GALNTL6: variants seen among roughly 807,000 people sequenced by gnomAD.
GALNTL6 encodes the protein polypeptide N-acetylgalactosaminyltransferase like 6, also known as polypeptide N-acetylgalactosaminyltransferase-like 6.
A neutral mutation model predicts 73.7 loss-of-function variants in GALNTL6; 46 were observed. That is an observed-to-expected ratio of 0.62 (90% CI 0.49 to 0.80). GALNTL6 has a LOEUF of 0.80. GALNTL6 is among the 30% of genes least tolerant of loss of function. The pLI is 0.00. For missense variants in GALNTL6, 604 were observed against 755.0 expected (o/e 0.80, Z 2.34); for synonymous variants, 259 against 263.7 (o/e 0.98, Z 0.17).
chr4:172,548,551 T>C lies in GALNTL6; in HGVS notation c.553+199862T>C, dbSNP rs369680782. Among the ~76,000 whole-genome samples, 24 of 152,356 alleles carry C rather than the reference T, an allele frequency of 1.6e-4. No homozygotes were observed. In the East Asian group the frequency reaches 4.4e-3, roughly 28 times the overall value. On this transcript the variant is annotated intron_variant, in intron 5 of 12. Transcript: ENST00000506823. ...AGAGCAATCTAAAGTTTAAATTACA[T>C]TTTGGTTATACTTTAGACTCCATTA...
At chr4:172,175,651 T>A (rs1275778448) in intron 2 of GALNTL6, among the ~76,000 whole-genome samples, 1 of 152,204 alleles carries the variant, frequency 6.6e-6, no homozygotes, top group Non-Finnish European at 1.5e-5. Flanking sequence ...TTATGCTACG[T>A]GCAACAAACT....
At chr4:172,531,396 TTATATCACTTGTCCTACC>T in intron 5 of GALNTL6, among the ~76,000 whole-genome samples, 1 of 152,326 alleles carries the variant, frequency 6.6e-6, no homozygotes, top group East Asian at 1.9e-4. Context: ...GCAGGACATT[TTATATCACTTGTCCTACC>T]CAGTGCAAAT....
intron 5 of GALNTL6, among the ~76,000 whole-genome samples, chr4:172,428,714 A>G (rs1731316345): frequency 6.6e-6 from 1 of 152,164 alleles, no homozygotes; most frequent in Non-Finnish European, 1.5e-5. Flanking sequence ...AATTTGAAAA[A>G]CTGAAACGGA....
intron 7 of GALNTL6, among the ~76,000 whole-genome samples, chr4:172,845,868 A>G (rs1743482127): frequency 6.6e-6 from 1 of 152,198 alleles, no homozygotes; most frequent in African/African-American, 2.4e-5. Context: ...GTAATGTTTA[A>G]ATTGTTCTGG....
intron 8 of GALNTL6, among the ~76,000 whole-genome samples, chr4:172,900,414 G>T (rs1171341008): frequency 6.6e-6 from 1 of 152,224 alleles, no homozygotes; most frequent in Non-Finnish European, 1.5e-5. Flanking sequence ...CCATTCTTAA[G>T]TTCACTGTTA....
chr4:172,197,259 A>G (rs1173153321), intron 2 of GALNTL6, among the ~76,000 whole-genome samples: 1 of 152,178 alleles, frequency 6.6e-6, no homozygotes, highest in Non-Finnish European at 1.5e-5. Flanking sequence ...TTCAAGAAGA[A>G]CTACAAACGA....
intron 2 of GALNTL6, among the ~76,000 whole-genome samples, chr4:171,926,465 T>C (rs975818576): frequency 3.5e-4 from 53 of 152,210 alleles, no homozygotes; most frequent in Admixed American, 1.3e-3. Context: ...TGTCTCTTTG[T>C]GTATTAATGT....
intron 5 of GALNTL6, among the ~76,000 whole-genome samples, chr4:172,774,382 G>C (rs780832910): frequency 6.6e-6 from 1 of 152,160 alleles, no homozygotes; most frequent in African/African-American, 2.4e-5. Context: ...TTTGGGGTTA[G>C]ATTTAGTTAA....
At chr4:172,080,381 G>A (rs1731844271) in intron 2 of GALNTL6, among the ~76,000 whole-genome samples, 1 of 151,934 alleles carries the variant, frequency 6.6e-6, no homozygotes, top group African/African-American at 2.4e-5. Context: ...CGAGGTGTCT[G>A]TATATTTCCC....
chr4:173,019,757 A>G (rs1250237758), intron 11 of GALNTL6, among the ~76,000 whole-genome samples: 2 of 152,158 alleles, frequency 1.3e-5, no homozygotes, highest in African/African-American at 4.8e-5. Flanking sequence ...CATGATTGAG[A>G]AGGTCGCTGT....
intron 5 of GALNTL6, among the ~76,000 whole-genome samples, chr4:172,516,815 ATGTGG>A (rs1267034390): frequency 2.6e-5 from 4 of 152,228 alleles, no homozygotes; most frequent in Non-Finnish European, 5.9e-5. Flanking sequence ...TGTAAATAAA[ATGTGG>A]TATATACATA....
chr4:172,152,964 A>G (rs1226870778), intron 2 of GALNTL6, among the ~76,000 whole-genome samples: 2 of 152,210 alleles, frequency 1.3e-5, no homozygotes, highest in African/African-American at 2.4e-5. Context: ...GATTACTTGG[A>G]GCAAGGATAA....
At chr4:172,313,722 GATA>G (rs1184393441) in intron 4 of GALNTL6, among the ~76,000 whole-genome samples, 1 of 152,018 alleles carries the variant, frequency 6.6e-6, no homozygotes, top group East Asian at 1.9e-4. Flanking sequence ...TATAATCTGG[GATA>G]ATATTCCAAC....
chr4:172,386,178 C>T (rs886891065), intron 5 of GALNTL6, among the ~76,000 whole-genome samples: 4 of 152,066 alleles, frequency 2.6e-5, no homozygotes, highest in Admixed American at 6.6e-5. Flanking sequence ...TACAAAAATA[C>T]ATTAATAATA....
intron 5 of GALNTL6, among the ~76,000 whole-genome samples, chr4:172,431,902 C>G (rs1161819167): frequency 6.6e-6 from 1 of 152,116 alleles, no homozygotes; most frequent in African/African-American, 2.4e-5. Context: ...CATTTATTTC[C>G]TTACTTGTAA....
At chr4:172,107,695 A>G (rs1579146071) in intron 2 of GALNTL6, among the ~76,000 whole-genome samples, 1 of 100,488 alleles carries the variant, frequency 1.0e-5, no homozygotes, top group Non-Finnish European at 1.9e-5. Flanking sequence ...GGGAGGGGGG[A>G]GGGATAGCAT....
intron 5 of GALNTL6, among the ~76,000 whole-genome samples, chr4:172,406,442 AATG>A (rs1744240385): frequency 6.6e-6 from 1 of 152,008 alleles, no homozygotes. Flanking sequence ...TATATATATA[AATG>A]ATGTTTGTAT....
chr4:172,181,910 G>A (rs1057025416), intron 2 of GALNTL6, among the ~76,000 whole-genome samples: 2 of 151,742 alleles, frequency 1.3e-5, no homozygotes, highest in Non-Finnish European at 2.9e-5. Flanking sequence ...GTAGAGACAG[G>A]GTTTCACTGT....
At chr4:173,034,524 A>G (rs917666811) in intron 12 of GALNTL6, among the ~76,000 whole-genome samples, 2 of 151,002 alleles carry the variant, frequency 1.3e-5, no homozygotes, top group Admixed American at 1.3e-4. Flanking sequence ...ACATCTCCTC[A>G]CTCTGGCTTC....
Sources: gnomAD v4.1 joint callset for allele counts (sites outside exome capture counted in the v4.1 genomes callset) on GRCh38, gnomAD v4.1.1 for gene constraint, MANE v1.5 for transcripts, NCBI Gene and HGNC (gene_info 2026-07-23, HGNC 2026-07-21) for gene names.